The following SUPT3H variants were observed in gnomAD, a reference collection of about 807,000 sequenced individuals.
SUPT3H encodes transcription initiation protein SPT3 homolog.
A neutral mutation model predicts 44.3 loss-of-function variants in SUPT3H; 44 were observed. That is an observed-to-expected ratio of 0.99 (90% CI 0.78 to 1.28). SUPT3H has a LOEUF of 1.28. SUPT3H is among the 50% of genes most tolerant of loss of function. The probability of loss-of-function intolerance (pLI) is 0.00; values close to 1 mark genes in which losing one functional copy is unlikely to be tolerated. For synonymous variants in SUPT3H, 124 were observed against 125.6 expected, an observed-to-expected ratio of 0.99 and a Z score of 0.09; for missense variants, 380 against 387.1, an observed-to-expected ratio of 0.98 and a Z score of 0.15.
intron 2 of SUPT3H, among the ~76,000 whole-genome samples, chr6:45,341,074 CA>C (rs1011179882): frequency 6.6e-6 from 1 of 151,842 alleles, no homozygotes; most frequent in Admixed American, 6.6e-5. Context: ...CTGTGCCTAC[CA>C]AAAAAATACT....
At chr6:45,367,426 G>A (rs1372288767) in intron 1 of SUPT3H, among the ~76,000 whole-genome samples, 1 of 150,898 alleles carries the variant, frequency 6.6e-6, no homozygotes, top group Non-Finnish European at 1.5e-5. Flanking sequence ...AAATAACACA[G>A]GAAAAGAAAC....
At position 45,069,308 on chromosome 6, in the gene SUPT3H, C is replaced by T. The variant is rs1794003274; in HGVS notation, c.186+36614G>A. 3.9e-5 allele frequency among the ~76,000 whole-genome samples: 6 copies of T among 152,148 alleles called. No individual in the cohort carries two copies. In the South Asian group the frequency reaches 1.0e-3, roughly 26 times the overall value. On this transcript the variant is annotated intron_variant, in intron 3 of 10. Transcript: ENST00000371459. ...TTCTAGGACTCTGAGCAGGGAAGAG[C>T]GACATGACAAAAAACGTGTTTAGGT... is the stretch of plus-strand genomic sequence containing the variant.
At chr6:44,958,799 T>C (rs1775586296) in intron 7 of SUPT3H, among the ~76,000 whole-genome samples, 1 of 151,900 alleles carries the variant, frequency 6.6e-6, no homozygotes, top group Non-Finnish European at 1.5e-5. Flanking sequence ...AAAATGGGTG[T>C]TTTTAAGCTT....
intron 6 of SUPT3H, among the ~76,000 whole-genome samples, chr6:44,985,345 G>A (rs375341053): frequency 7.2e-4 from 109 of 152,014 alleles, no homozygotes; most frequent in African/African-American, 2.6e-3. Flanking sequence ...AGTGTGCTAC[G>A]ATGGCACCAC....
At chr6:45,248,758 A>G (rs1771834030) in intron 2 of SUPT3H, among the ~76,000 whole-genome samples, 1 of 152,062 alleles carries the variant, frequency 6.6e-6, no homozygotes, top group South Asian at 2.1e-4. Context: ...CTACTAAAAT[A>G]CAAAAGATTA....
chr6:45,288,567 A>G (rs558838107), intron 2 of SUPT3H, among the ~76,000 whole-genome samples: 9,352 of 46,464 alleles, frequency 0.2, 430 homozygotes, highest in Admixed American at 0.25. Context: ...ATATATATGT[A>G]TATATATATA....
chr6:45,308,448 T>G (rs1231259859), intron 2 of SUPT3H, among the ~76,000 whole-genome samples: 2 of 152,102 alleles, frequency 1.3e-5, no homozygotes, highest in African/African-American at 4.8e-5. Context: ...TATTCAACAT[T>G]TTAAAGAAAA....
chr6:45,328,666 G>C (rs1324433494), intron 2 of SUPT3H: 1 of 1,611,168 alleles, frequency 6.2e-7, no homozygotes, highest in Non-Finnish European at 8.5e-7. Flanking sequence ...TTCAGTTTAA[G>C]GCTGCAAGCA....
intron 3 of SUPT3H, among the ~76,000 whole-genome samples, chr6:45,064,266 T>C (rs1792804409): frequency 6.9e-6 from 1 of 144,848 alleles, no homozygotes; most frequent in Non-Finnish European, 1.5e-5. Context: ...TGCTGAGAGA[T>C]TTTGTCACCA....
intron 2 of SUPT3H, among the ~76,000 whole-genome samples, chr6:45,329,759 T>C (rs1787083763): frequency 1.3e-5 from 2 of 151,978 alleles, no homozygotes; most frequent in Non-Finnish European, 2.9e-5. Flanking sequence ...AAGTTACTGT[T>C]GATACAGATA....
At chr6:44,929,682 T>A (rs1301571915) in intron 10 of SUPT3H, among the ~76,000 whole-genome samples, 2 of 151,914 alleles carry the variant, frequency 1.3e-5, no homozygotes, top group Non-Finnish European at 2.9e-5. Flanking sequence ...CACTGCAGCT[T>A]AAAGTACCAT....
At chr6:45,362,298 A>C (rs901830306) in intron 2 of SUPT3H, among the ~76,000 whole-genome samples, 1 of 152,192 alleles carries the variant, frequency 6.6e-6, no homozygotes, top group Non-Finnish European at 1.5e-5. Context: ...GACACCAGGG[A>C]GCCAAAAGAA....
At chr6:44,830,002 G>A in intron 10 of SUPT3H, 145 bp from the exon 11 acceptor site, 1 of 701,146 alleles carries the variant, frequency 1.4e-6, no homozygotes, top group Non-Finnish European at 2.4e-6. Context: ...TATTTCTGGT[G>A]GCAAAACTAT....
intron 3 of SUPT3H, among the ~76,000 whole-genome samples, chr6:45,039,743 C>T (rs1211522852): frequency 6.6e-6 from 1 of 151,844 alleles, no homozygotes; most frequent in Non-Finnish European, 1.5e-5. Context: ...CGAGATTGCA[C>T]CACTGCACTC....
intron 2 of SUPT3H, among the ~76,000 whole-genome samples, chr6:45,300,212 T>C (rs1236766430): frequency 6.6e-6 from 1 of 152,240 alleles, no homozygotes; most frequent in Non-Finnish European, 1.5e-5. Flanking sequence ...GCAAGTCTTA[T>C]AAAACCAAAG....
chr6:44,885,779 G>A lies in SUPT3H; in HGVS notation c.912+46874C>T, dbSNP rs189413122. ...AAGCCGGACGGAGAATGACTTTGAC[G>A]AGTTGAGAGAAGAAGGCTTCAGACG... On this transcript the variant is annotated intron_variant, in intron 10 of 10. Transcript: ENST00000371459. 2.6e-3 allele frequency among the ~76,000 whole-genome samples: 394 copies of A among 152,306 alleles called. 3 individuals are homozygous for A. Among genetic ancestry groups the A allele is most frequent in the African/African-American group, 8.5e-3 (355 of 41,568 alleles).
chr6:45,273,231 C>G (rs546320386), intron 2 of SUPT3H, among the ~76,000 whole-genome samples: 5 of 152,176 alleles, frequency 3.3e-5, no homozygotes, highest in East Asian at 1.9e-4. Flanking sequence ...AGGCTACAAA[C>G]AAGATACATT....
chr6:45,288,163 C>CT (rs1232908302), intron 2 of SUPT3H, among the ~76,000 whole-genome samples: 2 of 152,132 alleles, frequency 1.3e-5, no homozygotes, highest in Admixed American at 6.5e-5. Flanking sequence ...CCAAAGCCAC[C>CT]TTCTGCTACT....
intron 10 of SUPT3H, among the ~76,000 whole-genome samples, chr6:44,830,839 G>A (rs945794124): frequency 7.0e-6 from 1 of 143,130 alleles, no homozygotes; most frequent in Non-Finnish European, 1.5e-5. Context: ...AAGCAGTTCT[G>A]GAGTCTGTAT....
Sources: gnomAD v4.1 joint callset for allele counts (sites outside exome capture counted in the v4.1 genomes callset) on GRCh38, gnomAD v4.1.1 for gene constraint, MANE v1.5 for transcripts, NCBI Gene and HGNC (gene_info 2026-07-23, HGNC 2026-07-21) for gene names.